Variants in MYO1E observed in about 807,000 individuals in gnomAD.
MYO1E encodes myosin IE, also known as unconventional myosin-Ie.
In MYO1E, 68 loss-of-function variants were observed where a neutral mutation model predicts 151.1. The ratio of observed to expected loss-of-function variants is 0.45; its 90% CI spans 0.37 to 0.55. MYO1E has a LOEUF of 0.55. MYO1E is among the 20% of genes least tolerant of loss of function. MYO1E has a pLI of 0.00. For synonymous variants in MYO1E, 601 were observed against 501.7 expected, an observed-to-expected ratio of 1.20 and a Z score of -2.64; for missense variants, 1,363 against 1,389.3, an observed-to-expected ratio of 0.98 and a Z score of 0.30.
rs903575199 is a variant in MYO1E, at chr15:59,137,316, A to T, written c.*64T>A. On this transcript the variant is annotated 3_prime_UTR_variant, in exon 28 of 28. Coordinates refer to ENST00000288235, the MANE Select transcript of MYO1E (RefSeq NM_004998.4). Reference sequence around the variant, plus strand: ...TTGTGGATTGTAAGGGGAGCCCCTAAATATCCCCTCCCCTGGTCTGTGCCT... The same window carrying T: ...TTGTGGATTGTAAGGGGAGCCCCTATATATCCCCTCCCCTGGTCTGTGCCT... 9 of 1,430,258 alleles carry T rather than the reference A, an allele frequency of 6.3e-6. No individual in the cohort carries two copies. Among genetic ancestry groups the T allele is most frequent in the Non-Finnish European group, 8.9e-6 (9 of 1,012,790 alleles). The allele number at this position is 1,430,258 out of a possible 1,614,324, so 88.6% of individuals were successfully genotyped here.
chr15:59,159,073 C>G lies in MYO1E; in HGVS notation c.2786-694G>C, dbSNP rs2079523816. 6.6e-6 allele frequency among the ~76,000 whole-genome samples: 1 copy of G among 152,148 alleles called. No homozygotes were observed. The highest frequency in any genetic ancestry group is 1.5e-5 in the Non-Finnish European group (1 of 68,028). On this transcript the variant is annotated intron_variant, in intron 24 of 27. Coordinates refer to ENST00000288235, the MANE Select transcript of MYO1E (RefSeq NM_004998.4). The surrounding 1 kb of genome is among the most constrained non-coding windows in gnomAD (Gnocchi z 4.4). ...AGGAAGGAAGGTAGGATTAAACCAG[C>G]TGGAAGAGGGGTGCAGAGGGAATTT...
At chr15:59,150,217 C>T (rs80166628) in intron 26 of MYO1E, among the ~76,000 whole-genome samples, 1,609 of 152,300 alleles carry the variant, frequency 0.011, 24 homozygotes, top group Middle Eastern at 0.044. Flanking sequence ...AATCTTAATG[C>T]CTAGCAGACA....
In MYO1E at chr15:59,173,804, C is replaced by T. The variant is rs2079609103; in HGVS notation, c.2276G>A (p.Gly759Asp). 6.2e-7 allele frequency: 1 copy of T among 1,613,928 alleles called. No individual in the cohort carries two copies. Among genetic ancestry groups the T allele is most frequent in the Non-Finnish European group, 8.5e-7 (1 of 1,179,960 alleles). ...EEHPELQQFV[G>D]KREKIDFADT... ...TGCGAAATCAATCTTCTCCCTCTTG[C>T]CCACGAACTGCTGGAGTTCTGGGTG... is the stretch of plus-strand genomic sequence containing the variant. Residue 759 changes from glycine (G) to aspartate (D), a missense_variant, in exon 21 of 28, where the codon GGC becomes GAC. By Grantham distance (94) the Gly-to-Asp change is moderately conservative. Coordinates refer to ENST00000288235, the MANE Select transcript of MYO1E (RefSeq NM_004998.4).
At chr15:59,319,520 G>T (rs1175488070) in intron 1 of MYO1E, among the ~76,000 whole-genome samples, 1 of 136,720 alleles carries the variant, frequency 7.3e-6, no homozygotes, top group Non-Finnish European at 1.6e-5. Context: ...GAAAGAAAAG[G>T]CACCAAGATA....
chr15:59,196,400 C>T (rs1456323599), intron 16 of MYO1E, among the ~76,000 whole-genome samples: 1 of 152,150 alleles, frequency 6.6e-6, no homozygotes. Flanking sequence ...CATCAGCATT[C>T]CCACCCCACA....
At chr15:59,337,548 C>T (rs1237245268) in intron 1 of MYO1E, among the ~76,000 whole-genome samples, 1 of 152,164 alleles carries the variant, frequency 6.6e-6, no homozygotes, top group East Asian at 1.9e-4. Flanking sequence ...ATATTTCGCT[C>T]GGCTGGGCAC....
chr15:59,292,379 T>C (rs1446053272), intron 1 of MYO1E, among the ~76,000 whole-genome samples: 2 of 152,250 alleles, frequency 1.3e-5, no homozygotes, highest in East Asian at 3.8e-4. Context: ...AGAATTATTA[T>C]TACTATTTCA....
chr15:59,208,575 T>C, intron 14 of MYO1E, 106 bp downstream of exon 14: 1 of 1,377,692 alleles, frequency 7.3e-7, no homozygotes, highest in South Asian at 1.2e-5. Context: ...ATTCCGTTTG[T>C]TGAATCAATA....
intron 18 of MYO1E, among the ~76,000 whole-genome samples, chr15:59,181,445 T>C (rs2079657782): frequency 6.6e-6 from 1 of 152,178 alleles, no homozygotes; most frequent in Non-Finnish European, 1.5e-5. Flanking sequence ...ACATGGCTAT[T>C]TGTAACAGTT....
chr15:59,331,829 T>C (rs1202714249), intron 1 of MYO1E, among the ~76,000 whole-genome samples: 4 of 152,258 alleles, frequency 2.6e-5, no homozygotes. Flanking sequence ...TGTTTATATG[T>C]AGCTAGTTCT....
At chr15:59,242,035 AGACAGT>A (rs1217628156) in intron 4 of MYO1E, among the ~76,000 whole-genome samples, 4 of 152,358 alleles carry the variant, frequency 2.6e-5, no homozygotes, top group African/African-American at 9.6e-5. Context: ...CAGAGATCCA[AGACAGT>A]GACCTTGGGT....
At chr15:59,208,144 T>A (rs1365396643) in intron 14 of MYO1E, 8 of 1,441,276 alleles carry the variant, frequency 5.6e-6, no homozygotes, top group Non-Finnish European at 6.5e-6. Flanking sequence ...CAGGATTATA[T>A]AACGAAATTT....
chr15:59,208,773 T>A lies in MYO1E; in HGVS notation c.1438A>T (p.Thr480Ser). ...TGCATCTGAAGTTTCTGGAGCAGCG[T>A]CTGATCTGCCCCCTCACCCACCGCA... ...MHAVGEGADQ[T>S]LLQKLQMQIG... Residue 480 changes from threonine to serine, a missense_variant, in exon 14 of 28, where the codon ACG (threonine) becomes TCG (serine). Transcript: ENST00000288235. The A allele has an allele frequency of 6.2e-7, 1 of 1,614,190 alleles. No individual in the cohort carries two copies. Among genetic ancestry groups the A allele is most frequent in the Non-Finnish European group, 8.5e-7 (1 of 1,180,036 alleles).
At chr15:59,209,055 C>T (rs1440748188) in intron 13 of MYO1E, 1 of 639,482 alleles carries the variant, frequency 1.6e-6, no homozygotes, top group African/African-American at 1.8e-5. Flanking sequence ...ACTCCACTTT[C>T]CAAAAAGCTG....
intron 16 of MYO1E, among the ~76,000 whole-genome samples, chr15:59,198,436 C>T (rs1261458619): frequency 6.6e-6 from 1 of 152,194 alleles, no homozygotes; most frequent in South Asian, 2.1e-4. Flanking sequence ...CTAGATTTCT[C>T]TGGTCCTCAG....
chr15:59,292,391 C>A (rs6494092), intron 1 of MYO1E, among the ~76,000 whole-genome samples: 1,885 of 152,306 alleles, frequency 0.012, 34 homozygotes, highest in African/African-American at 0.043. Context: ...ACTATTTCAA[C>A]TCCCATGAAA....
chr15:59,279,737 T>C (rs769249990), intron 1 of MYO1E, among the ~76,000 whole-genome samples: 72 of 152,120 alleles, frequency 4.7e-4, no homozygotes, highest in Non-Finnish European at 1.0e-3. Flanking sequence ...GCCAGCAACA[T>C]TGGCTGAGTG....
chr15:59,284,640 A>ATTTTT (rs1350428742), intron 1 of MYO1E, among the ~76,000 whole-genome samples: 1 of 147,036 alleles, frequency 6.8e-6, no homozygotes, highest in African/African-American at 2.5e-5. Context: ...AAAAAAAAAA[A>ATTTTT]ATTTTTTTTT....
intron 13 of MYO1E, among the ~76,000 whole-genome samples, chr15:59,210,204 A>G (rs1372295979): frequency 6.6e-6 from 1 of 152,096 alleles, no homozygotes; most frequent in Non-Finnish European, 1.5e-5. Flanking sequence ...TAGAAGTTGG[A>G]CTAGAACACA....
Sources: allele counts gnomAD v4.1 joint callset (sites outside exome capture counted in the v4.1 genomes callset), GRCh38; gene constraint gnomAD v4.1.1; non-coding constraint Gnocchi (gnomAD v3.1); transcripts MANE v1.5; gene names NCBI Gene and HGNC (gene_info 2026-07-23, HGNC 2026-07-21).